Variants in ASB3 observed in about 807,000 individuals in gnomAD.
ASB3 encodes ankyrin repeat and SOCS box protein 3.
In ASB3, 41 loss-of-function variants were observed where a neutral mutation model predicts 54.5. The observed-to-expected ratio is 0.75, with a 90% CI of 0.59 to 0.98. The LOEUF (loss-of-function observed/expected upper bound fraction) is 0.98, where lower values mean the gene tolerates loss of function less well. Among genes scored for constraint, ASB3 ranks in the 50% least tolerant of loss-of-function variants. ASB3 has a pLI of 0.00. For missense variants in ASB3, 733 were observed against 620.0 expected, an observed-to-expected ratio of 1.18 and a Z score of -1.94; for synonymous variants, 266 against 221.2, an observed-to-expected ratio of 1.20 and a Z score of -1.80.
chr2:53,763,781 G>A (rs371862510), intron 2 of ASB3, among the ~76,000 whole-genome samples: 3 of 152,196 alleles, frequency 2.0e-5, no homozygotes, highest in African/African-American at 7.2e-5. Context: ...TCAAACTCAT[G>A]TCTTTGTTAC....
intron 9 of ASB3, among the ~76,000 whole-genome samples, chr2:53,689,946 G>T (rs958237088): frequency 6.6e-6 from 1 of 152,052 alleles, no homozygotes; most frequent in Non-Finnish European, 1.5e-5. Context: ...TAAAAACTAA[G>T]CTGAAGCTAG....
At chr2:53,726,853 C>T (rs1031968289) in intron 5 of ASB3, among the ~76,000 whole-genome samples, 1 of 151,818 alleles carries the variant, frequency 6.6e-6, no homozygotes, top group African/African-American at 2.4e-5. Context: ...GCCACCACAC[C>T]GGGCTAATTT....
At chr2:53,673,103 T>C (rs1236080079) in intron 9 of ASB3, among the ~76,000 whole-genome samples, 1 of 151,562 alleles carries the variant, frequency 6.6e-6, no homozygotes, top group African/African-American at 2.4e-5. Flanking sequence ...ACACAGAGCA[T>C]GCCAATGGAC....
intron 6 of ASB3, among the ~76,000 whole-genome samples, chr2:53,715,673 G>C (rs929281885): frequency 3.9e-5 from 6 of 152,000 alleles, no homozygotes; most frequent in African/African-American, 1.4e-4. Context: ...TTTAATAAAT[G>C]TGTTTAATTT....
chr2:53,758,387 C>A (rs967668059), intron 2 of ASB3, among the ~76,000 whole-genome samples: 3 of 152,226 alleles, frequency 2.0e-5, no homozygotes, highest in Admixed American at 2.0e-4. Flanking sequence ...GGGAAAAGGA[C>A]AAAGGCCCTA....
chr2:53,720,442 T>C (rs1038963306), intron 5 of ASB3, among the ~76,000 whole-genome samples: 1 of 152,162 alleles, frequency 6.6e-6, no homozygotes, highest in African/African-American at 2.4e-5. Flanking sequence ...TGAGACCCCA[T>C]TTCTATTCAA....
At chr2:53,716,434 C>A in intron 6 of ASB3, 132 bp downstream of exon 6, 2 of 1,138,814 alleles carry the variant, frequency 1.8e-6, no homozygotes, top group Non-Finnish European at 2.4e-6. Flanking sequence ...AGGGGTAGAT[C>A]TGTTCACCCA....
At chr2:53,747,215 T>C (rs1672273704) in intron 3 of ASB3, among the ~76,000 whole-genome samples, 1 of 152,272 alleles carries the variant, frequency 6.6e-6, no homozygotes, top group African/African-American at 2.4e-5. Context: ...CCATGGAATA[T>C]CAATGTTTCT....
At chr2:53,685,948 G>A (rs994334438) in intron 9 of ASB3, among the ~76,000 whole-genome samples, 1 of 152,196 alleles carries the variant, frequency 6.6e-6, no homozygotes. Context: ...GCCTTGGGCT[G>A]ATCCTGTATG....
intron 1 of ASB3, 97 bp from the exon 2 acceptor site, chr2:53,765,682 A>C: frequency 7.1e-7 from 1 of 1,401,084 alleles, no homozygotes; most frequent in Non-Finnish European, 9.7e-7. Context: ...AGTATCTCTC[A>C]CATGACTGAC....
intron 9 of ASB3, among the ~76,000 whole-genome samples, chr2:53,679,793 C>T (rs1000746603): frequency 8.6e-5 from 13 of 151,986 alleles, no homozygotes; most frequent in African/African-American, 1.7e-4. Context: ...AAGTTCATTA[C>T]GTAGATAAAC....
At position 53,723,933 on chromosome 2, in the gene ASB3, T is replaced by G. The variant is rs1572910179; in HGVS notation, c.604+4779A>C. 2.0e-5 allele frequency among the ~76,000 whole-genome samples: 3 copies of G among 151,638 alleles called. No homozygotes were observed. In the South Asian group the frequency reaches 6.2e-4, roughly 32 times the overall value. ...TCTTTCACTATATACAAAAATCAAC[T>G]CAAGATGGATTAAAAGTTTAAATGT... On this transcript the variant is annotated intron_variant, in intron 5 of 9. Transcript: ENST00000263634.
intron 1 of ASB3, among the ~76,000 whole-genome samples, chr2:53,782,773 T>C (rs1674721426): frequency 6.6e-6 from 1 of 152,096 alleles, no homozygotes; most frequent in African/African-American, 2.4e-5. Flanking sequence ...CCCTGCTCAC[T>C]TACAAAAGAG....
At chr2:53,719,759 TC>T in intron 5 of ASB3, among the ~76,000 whole-genome samples, 1 of 152,232 alleles carries the variant, frequency 6.6e-6, no homozygotes, top group African/African-American at 2.4e-5. Context: ...TCAGGTTTTA[TC>T]TAAAGTAAAC....
intron 3 of ASB3, among the ~76,000 whole-genome samples, chr2:53,737,489 A>G (rs1361057211): frequency 6.6e-6 from 1 of 152,196 alleles, no homozygotes; most frequent in African/African-American, 2.4e-5. Flanking sequence ...TAGGTTGCAC[A>G]TGTACAAGGT....
At chr2:53,692,392 A>G (rs1027867763) in intron 9 of ASB3, among the ~76,000 whole-genome samples, 1 of 152,184 alleles carries the variant, frequency 6.6e-6, no homozygotes, top group African/African-American at 2.4e-5. Context: ...GGAAACAAGA[A>G]AAGAGGGCTT....
chr2:53,764,085 A>T (rs3770391), intron 2 of ASB3, among the ~76,000 whole-genome samples: 8,691 of 152,272 alleles, frequency 0.057, 455 homozygotes, highest in East Asian at 0.28. Context: ...AAACAATGTA[A>T]AGATTATTTC....
chr2:53,724,178 T>C (rs2103881670), intron 5 of ASB3, among the ~76,000 whole-genome samples: 1 of 152,230 alleles, frequency 6.6e-6, no homozygotes, highest in African/African-American at 2.4e-5. Flanking sequence ...TAGGAGAAAA[T>C]ATTTGCTAAC....
chr2:53,692,454 C>T (rs959172644), intron 9 of ASB3, among the ~76,000 whole-genome samples: 1 of 152,052 alleles, frequency 6.6e-6, no homozygotes, highest in African/African-American at 2.4e-5. Flanking sequence ...CAGAAAAAGC[C>T]TCTGAGAAAG....
Sources: allele counts gnomAD v4.1 joint callset (sites outside exome capture counted in the v4.1 genomes callset), GRCh38; gene constraint gnomAD v4.1.1; transcripts MANE v1.5; gene names NCBI Gene and HGNC (gene_info 2026-07-23, HGNC 2026-07-21).